Variants in PLCB1 observed in about 807,000 individuals in gnomAD.
PLCB1 encodes 1-phosphatidylinositol 4,5-bisphosphate phosphodiesterase beta-1.
PLCB1 carries 46 observed loss-of-function variants against 161.8 expected under a neutral mutation model. That is an observed-to-expected ratio of 0.28 (90% CI 0.22 to 0.36). PLCB1 has a LOEUF of 0.36. Ranked by LOEUF, PLCB1 falls within the 10% of genes least tolerant of loss-of-function variation. The pLI is 1.00. For synonymous variants in PLCB1, 517 were observed against 503.7 expected, an observed-to-expected ratio of 1.03 and a Z score of -0.35; for missense variants, 1,016 against 1,472.5, an observed-to-expected ratio of 0.69 and a Z score of 5.07.
intron 31 of PLCB1, among the ~76,000 whole-genome samples, chr20:8,868,901 T>A (rs1209674420): frequency 6.6e-6 from 1 of 152,156 alleles, no homozygotes; most frequent in African/African-American, 2.4e-5. Context: ...CCCAAAGTGC[T>A]GGGATTACAG....
rs566701784 is a variant in PLCB1 at position 8,884,414 on chromosome 20, G to A, written c.*2565G>A. ...AGAGCTGTGTATTAAATTAGACTGTGTCTCTCTGATACCTTTACACTACTG... is the reference window on the plus strand; with the variant it reads ...AGAGCTGTGTATTAAATTAGACTGTATCTCTCTGATACCTTTACACTACTG... On this transcript the variant is annotated 3_prime_UTR_variant, in exon 32 of 32. Transcript: ENST00000338037. The A allele has an allele frequency of 3.7e-4, 57 of 152,558 alleles. No homozygotes were observed. The highest frequency in any genetic ancestry group is 7.6e-4 in the Non-Finnish European group (52 of 68,030). The allele number at this position is 152,558 out of a possible 1,614,324, so 9.5% of individuals were successfully genotyped here.
intron 2 of PLCB1, among the ~76,000 whole-genome samples, chr20:8,283,583 TAAAA>T (rs899949333): frequency 2.6e-5 from 4 of 151,362 alleles, no homozygotes; most frequent in Non-Finnish European, 4.4e-5. Context: ...ATAAATAAAA[TAAAA>T]AAATTATTTT....
At chr20:8,816,073 G>T (rs1568610508) in intron 31 of PLCB1, among the ~76,000 whole-genome samples, 1 of 152,162 alleles carries the variant, frequency 6.6e-6, no homozygotes, top group African/African-American at 2.4e-5. Flanking sequence ...AGATACCAGT[G>T]TATAAGAGAG....
At chr20:8,552,812 A>G (rs959863343) in intron 3 of PLCB1, among the ~76,000 whole-genome samples, 1 of 152,136 alleles carries the variant, frequency 6.6e-6, no homozygotes, top group Non-Finnish European at 1.5e-5. Flanking sequence ...TAGACATCAG[A>G]CATTTACTGC....
chr20:8,315,243 G>GAA (rs1450345418), intron 2 of PLCB1, among the ~76,000 whole-genome samples: 3 of 152,128 alleles, frequency 2.0e-5, no homozygotes, highest in Admixed American at 6.5e-5. Context: ...ATATATGTAG[G>GAA]GACAGAAAAG....
chr20:8,732,721 ATATC>A (rs1038536932), intron 18 of PLCB1, among the ~76,000 whole-genome samples: 5 of 143,696 alleles, frequency 3.5e-5, no homozygotes, highest in Admixed American at 2.8e-4. Context: ...TCATTCTAAT[ATATC>A]TAATATATAT....
At chr20:8,589,278 C>G (rs1987077463) in intron 3 of PLCB1, among the ~76,000 whole-genome samples, 1 of 152,186 alleles carries the variant, frequency 6.6e-6, no homozygotes, top group African/African-American at 2.4e-5. Flanking sequence ...GTGACCAAAA[C>G]AGACTCATAT....
chr20:8,238,821 T>A, intron 2 of PLCB1, among the ~76,000 whole-genome samples: 1 of 150,820 alleles, frequency 6.6e-6, no homozygotes, highest in East Asian at 2.0e-4. Flanking sequence ...TATATAGAAA[T>A]GGGTAATCTT....
chr20:8,802,356 G>A (rs1031525228), intron 31 of PLCB1: 5 of 517,580 alleles, frequency 9.7e-6, no homozygotes, highest in African/African-American at 4.0e-5. Context: ...GCCTTCCTCT[G>A]GTATTAATTT....
At chr20:8,790,943 T>C (rs1983728610) in intron 31 of PLCB1, among the ~76,000 whole-genome samples, 1 of 152,174 alleles carries the variant, frequency 6.6e-6, no homozygotes, top group Non-Finnish European at 1.5e-5. Context: ...TTGTGGAAAT[T>C]GTGTTTTTCA....
intron 2 of PLCB1, among the ~76,000 whole-genome samples, chr20:8,196,275 A>G (rs549766086): frequency 1.3e-5 from 2 of 152,246 alleles, no homozygotes; most frequent in Admixed American, 1.3e-4. Context: ...ACAGAAAATG[A>G]TATTTTGAAA....
In PLCB1 at chr20:8,697,636, G is replaced by T. The variant is rs1026746331; in HGVS notation, c.1020G>T (p.Leu340=). 3.1e-6 allele frequency: 5 copies of T among 1,614,086 alleles called. No individual in the cohort carries two copies. The highest frequency in any genetic ancestry group is 3.3e-5 in the Admixed American group (2 of 60,018). The part of the protein sequence containing the change: ...SHNTYLTAGQ[L]AGNSSVEMYR... Reference sequence around the variant, plus strand: ...GTTGGTGTTTTATAGCTGGCCAACTGGCTGGAAACTCCTCTGTTGAGATGT... The same window carrying T: ...GTTGGTGTTTTATAGCTGGCCAACTTGCTGGAAACTCCTCTGTTGAGATGT... The change falls in exon 11 of 32, where the codon CTG becomes CTT. Residue 340 remains leucine (L), a synonymous_variant. Transcript: ENST00000338037.
intron 2 of PLCB1, among the ~76,000 whole-genome samples, chr20:8,199,535 T>C (rs2052067724): frequency 6.6e-6 from 1 of 152,154 alleles, no homozygotes. Flanking sequence ...TATTTTGAAG[T>C]TGAGCCTCCT....
At chr20:8,400,758 TA>T (rs549648527) in intron 3 of PLCB1, among the ~76,000 whole-genome samples, 52 of 152,220 alleles carry the variant, frequency 3.4e-4, no homozygotes, top group Non-Finnish European at 6.9e-4. Context: ...AGATGTGCCA[TA>T]ATTTATGTAC....
At position 8,695,754 on chromosome 20, in the gene PLCB1, A is replaced by C. The variant is rs7261662; in HGVS notation, c.1010-1872A>C. ...GGGCTTATAGAATATAAATCAAAGAAAATATTTAATAGGGAAAACCAAAGA... is the reference window on the plus strand; with the variant it reads ...GGGCTTATAGAATATAAATCAAAGACAATATTTAATAGGGAAAACCAAAGA... On this transcript the variant is annotated intron_variant, in intron 10 of 31. Transcript: ENST00000338037. 4.5e-3 allele frequency among the ~76,000 whole-genome samples: 691 copies of C among 152,328 alleles called. 5 individuals are homozygous for C. The highest frequency in any genetic ancestry group is 0.015 in the African/African-American group (622 of 41,568).
At chr20:8,282,318 A>G (rs1982910999) in intron 2 of PLCB1, among the ~76,000 whole-genome samples, 1 of 152,156 alleles carries the variant, frequency 6.6e-6, no homozygotes, top group Admixed American at 6.6e-5. Context: ...CCTATTCTTG[A>G]CTTTTATTAC....
chr20:8,815,722 A>C (rs6056147), intron 31 of PLCB1, among the ~76,000 whole-genome samples: 138,258 of 152,202 alleles, frequency 0.91, 63,312 homozygotes, highest in Non-Finnish European at 0.96. Context: ...CAGTACAACA[A>C]AAGATCTAGA....
In PLCB1 at chr20:8,201,196, GTTC is replaced by G. The variant is rs1190994208; in HGVS notation, c.177+50830_177+50832del. ...TTATTTAAGCTTTGTTATGTTCCCAGTTCTTCTCAGCCATTTACTACTAGTTTC... is the reference window on the plus strand; with the variant it reads ...TTATTTAAGCTTTGTTATGTTCCCAGTTCTCAGCCATTTACTACTAGTTTC... On this transcript the variant is annotated intron_variant, in intron 2 of 31. Coordinates refer to ENST00000338037, the MANE Select transcript of PLCB1 (RefSeq NM_015192.4). Among the ~76,000 whole-genome samples the G allele has an allele frequency of 3.3e-5, 5 of 152,012 alleles. No individual in the cohort carries two copies. The East Asian group carries it at 9.7e-4, about 29-fold the overall frequency.
At chr20:8,864,905 G>A (rs927431393) in intron 31 of PLCB1, among the ~76,000 whole-genome samples, 4 of 152,148 alleles carry the variant, frequency 2.6e-5, no homozygotes, top group African/African-American at 4.8e-5. Context: ...GGGAAGCAGC[G>A]CCAGAATTAT....
Sources: gnomAD v4.1 joint callset for allele counts (sites outside exome capture counted in the v4.1 genomes callset) on GRCh38, gnomAD v4.1.1 for gene constraint, MANE v1.5 for transcripts, NCBI Gene and HGNC (gene_info 2026-07-23, HGNC 2026-07-21) for gene names.